THBS3: variants seen among roughly 807,000 people sequenced by gnomAD.
THBS3 encodes the protein thrombospondin 3, also known as thrombospondin-3.
Under a neutral mutation model 118.3 loss-of-function variants are expected in THBS3, and 78 were observed. The observed-to-expected ratio is 0.66, with a 90% CI of 0.55 to 0.80. The LOEUF is 0.80. THBS3 is among the 30% of genes least tolerant of loss of function. The probability of loss-of-function intolerance (pLI) is 0.00; values close to 1 mark genes in which losing one functional copy is unlikely to be tolerated. For synonymous variants in THBS3, 427 were observed against 475.3 expected (o/e 0.90, Z 1.32); for missense variants, 1,057 against 1,247.4 (o/e 0.85, Z 2.30).
Position 155,195,641 on chromosome 1 carries a change from G to A in THBS3, c.*200C>T. The A allele has an allele frequency of 1.7e-6, 1 of 586,698 alleles. No homozygotes were observed. Among genetic ancestry groups the A allele is most frequent in the South Asian group, 2.0e-5 (1 of 50,794 alleles). 36.3% of individuals were successfully genotyped at this position (586,698 alleles called of 1,614,324 possible). Reference sequence around the variant, plus strand: ...TGTGCTGTCATCTTTCCTGGGGTTAGTGCCTGAGTAATACCCCTTGAAAAC... The same window carrying A: ...TGTGCTGTCATCTTTCCTGGGGTTAATGCCTGAGTAATACCCCTTGAAAAC... On this transcript the variant is annotated 3_prime_UTR_variant, in exon 23 of 23. Transcript: ENST00000368378.
chr1:155,206,496 C>T lies in THBS3; in HGVS notation c.80-90G>A. ...AGCCCACATCACCCCCTACCCCCACCACCAGGCAGCGTTAGTCACCTCAAA... is the reference window on the plus strand; with the variant it reads ...AGCCCACATCACCCCCTACCCCCACTACCAGGCAGCGTTAGTCACCTCAAA... On this transcript the variant is annotated intron_variant, in intron 1 of 22. Transcript: ENST00000368378. The surrounding 1 kb of genome is among the most constrained non-coding windows in gnomAD (Gnocchi z 4.2). 8.7e-7 allele frequency: 1 copy of T among 1,153,842 alleles called. No homozygotes were observed. The highest frequency in any genetic ancestry group is 2.0e-5 in the Admixed American group (1 of 50,042). The allele number at this position is 1,153,842 out of a possible 1,614,324, so 71.5% of individuals were successfully genotyped here.
At chr1:155,209,071 G>A (rs1571942625), upstream of THBS3, 2 of 1,538,636 alleles carry the variant, frequency 1.3e-6, no homozygotes, top group East Asian at 2.5e-5. Flanking sequence ...CCTCCCCCGA[G>A]GCCCGCGGCC....
rs1301094458 is a variant in THBS3, at chr1:155,200,027, C to A, written c.1795G>T (p.Asp599Tyr). The A allele has an allele frequency of 1.2e-6, 2 of 1,602,202 alleles. No individual in the cohort carries two copies. The highest frequency in any genetic ancestry group is 3.4e-5 in the Admixed American group (2 of 58,772). Reference sequence around the variant, plus strand: ...GGATTGCTCATTTCAGGGCAGCTGTCGCAAGCATCTCCCACCCCGTCCTCA... The same window carrying A: ...GGATTGCTCATTTCAGGGCAGCTGTAGCAAGCATCTCCCACCCCGTCCTCA... ...RDEDGVGDAC[D>Y]SCPEMSNPTQ... The change falls in exon 15 of 23, where the codon GAC (aspartate) becomes TAC (tyrosine). Residue 599 changes from aspartate (D) to tyrosine (Y), a missense_variant. By Grantham distance (160) the Asp-to-Tyr change is radical (BLOSUM62 -3). Around this residue, in one of 3 missense-constraint regions of THBS3, gnomAD observed 544 missense variants for 715.6 expected, o/e 0.76. Transcript: ENST00000368378.
chr1:155,203,968 G>A (rs1252628353), intron 4 of THBS3, among the ~76,000 whole-genome samples: 1 of 151,954 alleles, frequency 6.6e-6, no homozygotes, highest in African/African-American at 2.4e-5. Context: ...CTCCCAAGTA[G>A]CTGGGACTAC....
upstream of THBS3, chr1:155,208,712 GCCTCC>G: frequency 1.3e-5 from 17 of 1,308,618 alleles, no homozygotes; most frequent in African/African-American, 1.5e-5. Flanking sequence ...CCCCAGCCCG[GCCTCC>G]GCTCCGGCCG....
chr1:155,201,910 T>C, intron 10 of THBS3, 47 bp downstream of exon 10: 1 of 1,611,540 alleles, frequency 6.2e-7, no homozygotes. Context: ...GGGTTGGGGT[T>C]TTACCATTCC....
chr1:155,205,201 T>A lies in THBS3; in HGVS notation c.402A>T (p.Arg134Ser). The change falls in exon 3 of 23, where the codon AGA (arginine) becomes AGT (serine). Residue 134 changes from arginine to serine, a missense_variant. Physicochemically the swap from Arg to Ser is moderately radical, Grantham distance 110 (BLOSUM62 -1). Transcript: ENST00000368378. ...TVLLRLRGPS[R>S]PSPALHLYVD... ...CGTAGAGATGTAGGGCAGGGCTGGG[T>A]CTGGAGGGACCTCGGAGTCGCAGGA... 1 of 1,614,140 alleles carries A rather than the reference T, an allele frequency of 6.2e-7. No individual in the cohort carries two copies. The highest frequency in any genetic ancestry group is 8.5e-7 in the Non-Finnish European group (1 of 1,180,028).
Position 155,200,442 on chromosome 1 carries a change from G to T in THBS3, c.1708+9C>A. On this transcript the variant is annotated intron_variant, in intron 14 of 22. Transcript: ENST00000368378. ...TCCCCCAGCCACCCCTTCAGCCCCA[G>T]GCCTGCACCATCCCCATCCACGTCG... 6.2e-7 allele frequency: 1 copy of T among 1,613,360 alleles called. No homozygotes were observed. The highest frequency in any genetic ancestry group is 8.5e-7 in the Non-Finnish European group (1 of 1,179,572).
Position 155,197,388 on chromosome 1 carries a change from TG to T in THBS3, c.2499+74del. 2 of 1,559,306 alleles carry T rather than the reference TG, an allele frequency of 1.3e-6. No individual in the cohort carries two copies. Among genetic ancestry groups the T allele is most frequent in the Non-Finnish European group, 1.7e-6 (2 of 1,146,660 alleles). ...GGTAAGAGGGTTCCCAGTCAAGCAG[TG>T]GGGGAGGCCCTGGGGCTGCAGAGGA... On this transcript the variant is annotated intron_variant, in intron 20 of 22. Coordinates refer to ENST00000368378, the MANE Select transcript of THBS3 (RefSeq NM_007112.5). This position sits in a 1 kb window ranked among gnomAD's most constrained non-coding sequence, Gnocchi z 5.0.
Position 155,195,666 on chromosome 1 carries a change from C to A in THBS3, c.*175G>T, listed in dbSNP as rs1668547447. The A allele has an allele frequency of 1.5e-6, 1 of 648,236 alleles. No homozygotes were observed. Among genetic ancestry groups the A allele is most frequent in the Non-Finnish European group, 2.7e-6 (1 of 371,214 alleles). The allele number at this position is 648,236 out of a possible 1,614,324, so 40.2% of individuals were successfully genotyped here. On this transcript the variant is annotated 3_prime_UTR_variant, in exon 23 of 23. Transcript: ENST00000368378. Reference sequence around the variant, plus strand: ...GTGCCTGAGTAATACCCCTTGAAAACTTCTCATCCCCTGAAGGGTGGGGTG... The same window carrying A: ...GTGCCTGAGTAATACCCCTTGAAAAATTCTCATCCCCTGAAGGGTGGGGTG...
chr1:155,195,750 A>G lies in THBS3; in HGVS notation c.*91T>C, dbSNP rs537796803. 1.8e-5 allele frequency: 25 copies of G among 1,395,716 alleles called. No homozygotes were observed. The East Asian group carries it at 4.1e-4, about 23-fold the overall frequency. The allele number at this position is 1,395,716 out of a possible 1,614,324, so 86.5% of individuals were successfully genotyped here. A position where few individuals can be genotyped will look rare whatever the true frequency, so the allele number is the denominator to read the frequency against. The stretch of plus-strand genomic sequence containing the variant: ...CCAGAGAAGGGTCTGTGGTTGGCTG[A>G]GGGGCTGTAGCTTAGACCTCAGGGT... On this transcript the variant is annotated 3_prime_UTR_variant, in exon 23 of 23. Coordinates refer to ENST00000368378, the MANE Select transcript of THBS3 (RefSeq NM_007112.5).
chr1:155,198,172 A>G lies in THBS3; in HGVS notation c.2123T>C (p.Val708Ala). ...VCEDDFDNDA[V>A]VDPLDVCPES... The stretch of plus-strand genomic sequence containing the variant: ...AGGACACACATCCAGGGGGTCGACC[A>G]CAGCATCATTGTCAAAGTCATCCTC... Residue 708 changes from valine to alanine, a missense_variant, in exon 18 of 23, where the codon GTG becomes GCG. Physicochemically the swap from Val to Ala is moderately conservative, Grantham distance 64. Coordinates refer to ENST00000368378, the MANE Select transcript of THBS3 (RefSeq NM_007112.5). 1 of 1,614,194 alleles carries G rather than the reference A, an allele frequency of 6.2e-7. No homozygotes were observed. Among genetic ancestry groups the G allele is most frequent in the Non-Finnish European group, 8.5e-7 (1 of 1,180,044 alleles).
At chr1:155,203,841 A>T (rs1298890902) in intron 4 of THBS3, among the ~76,000 whole-genome samples, 12 of 141,802 alleles carry the variant, frequency 8.5e-5, no homozygotes, top group South Asian at 2.3e-4. Context: ...GTATATCCCC[A>T]TTTTTTTTTT....
rs760477039 is a variant in THBS3 at position 155,203,087 on chromosome 1, G to A, written c.807C>T (p.Cys269=). 16 of 1,614,022 alleles carry A rather than the reference G, an allele frequency of 9.9e-6. No homozygotes were observed. Among genetic ancestry groups the A allele is most frequent in the Non-Finnish European group, 1.4e-5 (16 of 1,180,016 alleles). ...AGCCTCCCCTGCTCTCCCACTCACC[G>A]CACACCTGACACTCCATAATGGTGT... ...IRNTIMECQV[C]GFHEQRSHCS... is the part of the protein sequence containing the mutation. The change falls in exon 7 of 23, where the codon TGC becomes TGT. Residue 269 remains cysteine, a splice_region_variant and synonymous_variant. Coordinates refer to ENST00000368378, the MANE Select transcript of THBS3 (RefSeq NM_007112.5).
chr1:155,198,622 C>T lies in THBS3; in HGVS notation c.1881-20G>A, dbSNP rs758691677. 4.3e-6 allele frequency: 7 copies of T among 1,610,872 alleles called. No homozygotes were observed. The Admixed American group carries it at 8.3e-5, about 19-fold the overall frequency. ...CCATCGCTAATCAGAAGAACAGGTA[C>T]CAAATAAAGGATTTAAAGGTACTCC... On this transcript the variant is annotated intron_variant, in intron 16 of 22. Transcript: ENST00000368378.
chr1:155,209,173 G>A (rs1468261460), upstream of THBS3: 2 of 1,487,292 alleles, frequency 1.3e-6, no homozygotes, highest in Non-Finnish European at 9.0e-7. Flanking sequence ...CGATCGGAGG[G>A]GCGGTGGCGG....
At position 155,203,074 on chromosome 1, in the gene THBS3, TCTCCCA is replaced by T; in HGVS notation, c.808+6_808+11del. 1.2e-6 allele frequency: 2 copies of T among 1,614,102 alleles called. No individual in the cohort carries two copies. The highest frequency in any genetic ancestry group is 1.7e-6 in the Non-Finnish European group (2 of 1,180,010). ...CACGGTCATGTGGAGCCTCCCCTGCTCTCCCACTCACCGCACACCTGACACTCCATA... is the reference window on the plus strand; with the variant it reads ...CACGGTCATGTGGAGCCTCCCCTGCTCTCACCGCACACCTGACACTCCATA... On this transcript the variant is annotated splice_donor_region_variant and intron_variant, in intron 7 of 22. Transcript: ENST00000368378.
upstream of THBS3, chr1:155,208,661 A>C (rs1670881708): frequency 9.9e-6 from 9 of 907,806 alleles, 1 homozygote; most frequent in Admixed American, 1.2e-4. Context: ...CCGTCACCTA[A>C]GCGACAGCCT....
chr1:155,197,660 CTGGGGT>C lies in THBS3; in HGVS notation c.2303-7_2303-2del. On this transcript the variant is annotated splice_acceptor_variant and splice_polypyrimidine_tract_variant and intron_variant, in intron 19 of 22. Coordinates refer to ENST00000368378, the MANE Select transcript of THBS3 (RefSeq NM_007112.5). LOFTEE classifies it high-confidence loss of function. The surrounding 1 kb of genome is among the most constrained non-coding windows in gnomAD (Gnocchi z 5.0). ...TCCACACCATTGAAGGCCGTGTATC[CTGGGGT>C]GGGGGTGGGATAAAGGTCAGGGGCA... The C allele has an allele frequency of 1.8e-6, 1 of 541,426 alleles. No individual in the cohort carries two copies. The highest frequency in any genetic ancestry group is 3.5e-6 in the Non-Finnish European group (1 of 286,662). The allele number at this position is 541,426 out of a possible 1,614,324, so 33.5% of individuals were successfully genotyped here.
Sources: gnomAD v4.1 joint callset for allele counts (sites outside exome capture counted in the v4.1 genomes callset) on GRCh38, gnomAD v4.1.1 for gene constraint, gnomAD v4.1.1 regional missense constraint, Gnocchi (gnomAD v3.1) non-coding constraint, MANE v1.5 for transcripts, NCBI Gene and HGNC (gene_info 2026-07-23, HGNC 2026-07-21) for gene names.